Variants in SLC12A9 observed in about 807,000 individuals in gnomAD.
SLC12A9 encodes solute carrier family 12 member 9, also known as CCC-interacting protein 1.
In SLC12A9, 55 loss-of-function variants were observed where a neutral mutation model predicts 66.0. The observed-to-expected ratio is 0.83, with a 90% CI of 0.67 to 1.04. The LOEUF is 1.04. SLC12A9 is among the 50% of genes least tolerant of loss of function. The pLI is 0.00. For synonymous variants in SLC12A9, 577 were observed against 569.0 expected, an observed-to-expected ratio of 1.01 and a Z score of -0.20; for missense variants, 1,061 against 1,241.9, an observed-to-expected ratio of 0.85 and a Z score of 2.19.
chr7:100,833,932 C>CAA (rs60667059), intron 1 of SLC12A9, among the ~76,000 whole-genome samples: 2,305 of 62,566 alleles, frequency 0.037, 206 homozygotes, highest in African/African-American at 0.057. Context: ...GACTCTGTCT[C>CAA]AAAAAAAAAA....
rs538145183 is a variant in SLC12A9, at chr7:100,861,846, G to C, written c.1646G>C (p.Arg549Pro). 6.2e-7 allele frequency: 1 copy of C among 1,613,854 alleles called. No homozygotes were observed. Among genetic ancestry groups the C allele is most frequent in the South Asian group, 1.1e-5 (1 of 91,068 alleles). The change falls in exon 12 of 14, where the codon CGG becomes CCG. Residue 549 changes from arginine to proline, a missense_variant. Coordinates refer to ENST00000354161, the MANE Select transcript of SLC12A9 (RefSeq NM_020246.4). This position sits in a 1 kb window ranked among gnomAD's most constrained non-coding sequence, Gnocchi z 5.3. ...CCCCGGGGCGCCCTGCCTCTGCTGC[G>C]GTTGGCCAACCAGCTTAAGAAGGGG... ...GNPRGALPLLRLANQLKKGGL... is the reference protein window; with the variant it reads ...GNPRGALPLLPLANQLKKGGL...
chr7:100,837,044 C>G (rs1813675124), intron 1 of SLC12A9, among the ~76,000 whole-genome samples: 2 of 152,258 alleles, frequency 1.3e-5, no homozygotes, highest in Admixed American at 6.5e-5. Flanking sequence ...AATAGGTTGA[C>G]AGGGGCGTTG....
chr7:100,854,139 C>T lies in SLC12A9; in HGVS notation c.-42-17C>T. ...CTCTGTGGGGGAGCTTTTGATGCAA[C>T]ATAATCTCCTTTGCAGGTCACCTAA... is the stretch of plus-strand genomic sequence containing the variant. On this transcript the variant is annotated splice_polypyrimidine_tract_variant and intron_variant, in intron 1 of 13. Transcript: ENST00000354161. 2.0e-6 allele frequency: 3 copies of T among 1,467,822 alleles called. No homozygotes were observed. The highest frequency in any genetic ancestry group is 2.5e-5 in the East Asian group (1 of 40,528). 90.9% of individuals were successfully genotyped at this position (1,467,822 alleles called of 1,614,324 possible). A position where few individuals can be genotyped will look rare whatever the true frequency, so the allele number is the denominator to read the frequency against.
chr7:100,833,932 C>CAAAAAAAAAAAAAA (rs60667059), intron 1 of SLC12A9, among the ~76,000 whole-genome samples: 2 of 63,076 alleles, frequency 3.2e-5, no homozygotes, highest in African/African-American at 1.8e-4. Context: ...GACTCTGTCT[C>CAAAAAAAAAAAAAA]AAAAAAAAAA....
chr7:100,844,130 C>G (rs1169390486), intron 1 of SLC12A9, among the ~76,000 whole-genome samples: 1 of 152,210 alleles, frequency 6.6e-6, no homozygotes, highest in Non-Finnish European at 1.5e-5. Context: ...AACTGACCTT[C>G]CTCAGACTGA....
intron 3 of SLC12A9, chr7:100,855,448 C>T (rs1814329604): frequency 2.5e-6 from 1 of 407,898 alleles, no homozygotes; most frequent in Non-Finnish European, 4.5e-6. Flanking sequence ...AATAAATGTG[C>T]AGCAGGCAGG....
At chr7:100,833,932 CAAAAA>C (rs60667059) in intron 1 of SLC12A9, among the ~76,000 whole-genome samples, 3 of 63,070 alleles carry the variant, frequency 4.8e-5, no homozygotes, top group South Asian at 4.6e-4. Flanking sequence ...GACTCTGTCT[CAAAAA>C]AAAAAAAAAA....
In SLC12A9 at chr7:100,865,706, G is replaced by C. The variant is rs1479489986; in HGVS notation, c.1859-13G>C. 5 of 1,595,648 alleles carry C rather than the reference G, an allele frequency of 3.1e-6. No homozygotes were observed. The highest frequency in any genetic ancestry group is 1.3e-5 in the African/African-American group (1 of 74,590). Reference sequence around the variant, plus strand: ...ACTCCTGTCTGTTCCTGCCTTCCCCGCTCTGCCCCCAGGTGGCATGAAGCC... The same window carrying C: ...ACTCCTGTCTGTTCCTGCCTTCCCCCCTCTGCCCCCAGGTGGCATGAAGCC... On this transcript the variant is annotated splice_polypyrimidine_tract_variant and intron_variant, in intron 13 of 13. Coordinates refer to ENST00000354161, the MANE Select transcript of SLC12A9 (RefSeq NM_020246.4).
chr7:100,866,621 G>A lies in SLC12A9; in HGVS notation c.*16G>A, dbSNP rs374837029. ...TGATCTGTGATGCCCCTGCCTCCAG[G>A]GCTAGGTAGAGAGGGCCCAGGCAGG... On this transcript the variant is annotated 3_prime_UTR_variant, in exon 14 of 14. Coordinates refer to ENST00000354161, the MANE Select transcript of SLC12A9 (RefSeq NM_020246.4). This position sits in a 1 kb window ranked among gnomAD's most constrained non-coding sequence, Gnocchi z 7.3. 1,421 of 1,524,984 alleles carry A rather than the reference G, an allele frequency of 9.3e-4. 3 individuals carry two copies. The highest frequency in any genetic ancestry group is 1.2e-3 in the Non-Finnish European group (1,345 of 1,132,534). The allele number at this position is 1,524,984 out of a possible 1,614,324, so 94.5% of individuals were successfully genotyped here.
intron 1 of SLC12A9, chr7:100,837,486 G>C (rs1813684178): frequency 6.6e-6 from 1 of 152,190 alleles, no homozygotes; most frequent in South Asian, 2.1e-4. Flanking sequence ...CATCATAGTC[G>C]CCGCCATCTT....
At chr7:100,856,039 T>A in intron 4 of SLC12A9, 1 of 669,238 alleles carries the variant, frequency 1.5e-6, no homozygotes, top group Non-Finnish European at 2.2e-6. Context: ...GCTAACCATC[T>A]AATCGGAGAG....
At chr7:100,859,760 C>A in intron 7 of SLC12A9, 125 bp from the exon 8 acceptor site, 1 of 1,173,344 alleles carries the variant, frequency 8.5e-7, no homozygotes, top group Non-Finnish European at 1.2e-6. Context: ...CAAGGCTGCC[C>A]AATGAATACC....
chr7:100,859,991 C>T lies in SLC12A9; in HGVS notation c.1084C>T (p.Leu362Phe). The T allele has an allele frequency of 3.1e-6, 5 of 1,613,528 alleles. No homozygotes were observed. Among genetic ancestry groups the T allele is most frequent in the Non-Finnish European group, 4.2e-6 (5 of 1,179,460 alleles). Residue 362 changes from leucine (L) to phenylalanine (F), a missense_variant, in exon 8 of 14, where the codon CTC (leucine) becomes TTC (phenylalanine). By Grantham distance (22) the Leu-to-Phe change is conservative. Coordinates refer to ENST00000354161, the MANE Select transcript of SLC12A9 (RefSeq NM_020246.4). Reference protein sequence around the residue: ...ATALSASMSSLIGASRILHAL... With the variant: ...ATALSASMSSFIGASRILHAL... The stretch of plus-strand genomic sequence containing the variant: ...AGCGCTCTCAGCGTCCATGAGCTCG[C>T]TCATTGGTGCCTCCCGCATCCTCCA...
chr7:100,835,897 C>T (rs1174535127), intron 1 of SLC12A9, among the ~76,000 whole-genome samples: 1 of 152,118 alleles, frequency 6.6e-6, no homozygotes, highest in African/African-American at 2.4e-5. Flanking sequence ...TGCCAAAGGG[C>T]ATGGAGGTGG....
upstream of SLC12A9, among the ~76,000 whole-genome samples, chr7:100,850,988 G>T (rs570320016): frequency 6.6e-6 from 1 of 152,054 alleles, no homozygotes; most frequent in African/African-American, 2.4e-5. Flanking sequence ...AAAGTGCTGG[G>T]ATTACAGGCG....
chr7:100,847,548 A>G (rs59441762), intron 1 of SLC12A9, among the ~76,000 whole-genome samples: 12,677 of 152,158 alleles, frequency 0.083, 768 homozygotes, highest in African/African-American at 0.17. Flanking sequence ...TTAGGAGGCT[A>G]TTGTGAAAGC....
chr7:100,859,230 C>A, intron 7 of SLC12A9, 69 bp downstream of exon 7: 1 of 1,448,716 alleles, frequency 6.9e-7, no homozygotes, highest in Non-Finnish European at 9.6e-7. Context: ...AGGGGAAACA[C>A]AGGCTGGGGG....
Position 100,857,147 on chromosome 7 carries a change from A to G in SLC12A9, c.728A>G (p.Asn243Ser). ...CGGTTTGGCCACTTCACCGGCTTCAACAGCAGTACCCTGAAGGACAACTTG... is the reference window on the plus strand; with the variant it reads ...CGGTTTGGCCACTTCACCGGCTTCAGCAGCAGTACCCTGAAGGACAACTTG... ...PPRFGHFTGF[N>S]SSTLKDNLGA... is the part of the protein sequence containing the mutation. Residue 243 changes from asparagine (N) to serine (S), a missense_variant, in exon 5 of 14, where the codon AAC becomes AGC. Coordinates refer to ENST00000354161, the MANE Select transcript of SLC12A9 (RefSeq NM_020246.4). The G allele has an allele frequency of 1.2e-6, 2 of 1,613,856 alleles. No homozygotes were observed. Among genetic ancestry groups the G allele is most frequent in the Non-Finnish European group, 1.7e-6 (2 of 1,179,866 alleles).
At chr7:100,846,975 C>A (rs1208812394) in intron 1 of SLC12A9, among the ~76,000 whole-genome samples, 1 of 152,002 alleles carries the variant, frequency 6.6e-6, no homozygotes, top group Non-Finnish European at 1.5e-5. Context: ...TGCATGCAGC[C>A]CCCAGTCACG....
Sources: allele counts gnomAD v4.1 joint callset (sites outside exome capture counted in the v4.1 genomes callset), GRCh38; gene constraint gnomAD v4.1.1; non-coding constraint Gnocchi (gnomAD v3.1); transcripts MANE v1.5; gene names NCBI Gene and HGNC (gene_info 2026-07-23, HGNC 2026-07-21).